The following PPARGC1A variants were observed in gnomAD, a reference collection of about 807,000 sequenced individuals.
PPARGC1A encodes the protein PPARG coactivator 1 alpha.
A neutral mutation model predicts 88.7 loss-of-function variants in PPARGC1A; 25 were observed. That is an observed-to-expected ratio of 0.28 (90% confidence interval 0.21 to 0.39). PPARGC1A has a LOEUF of 0.39. Ranked by LOEUF, PPARGC1A falls within the 10% of genes least tolerant of loss-of-function variation. The pLI, the probability that PPARGC1A is intolerant of heterozygous loss-of-function variation, is 1.00. For missense variants in PPARGC1A, 880 were observed against 968.7 expected (o/e 0.91, Z 1.22); for synonymous variants, 363 against 355.6 (o/e 1.02, Z -0.24).
the PPARGC1A span, among the ~76,000 whole-genome samples, chr4:24,194,104 G>C: frequency 6.7e-6 from 1 of 148,710 alleles, no homozygotes; most frequent in Non-Finnish European, 1.5e-5. Flanking sequence ...ACTCCAGCCT[G>C]GGCGACAGGA....
the PPARGC1A span, among the ~76,000 whole-genome samples, chr4:24,437,878 T>G: frequency 6.6e-6 from 1 of 152,056 alleles, no homozygotes; most frequent in African/African-American, 2.4e-5. Context: ...GGTTTCACCA[T>G]GTTGGCCAGG....
chr4:23,947,017 C>A, the PPARGC1A span, among the ~76,000 whole-genome samples: 4 of 152,010 alleles, frequency 2.6e-5, no homozygotes, highest in Non-Finnish European at 5.9e-5. Flanking sequence ...TACTAATCAG[C>A]CCCTGGCTAT....
chr4:24,044,638 A>T, the PPARGC1A span, among the ~76,000 whole-genome samples: 1 of 152,196 alleles, frequency 6.6e-6, no homozygotes, highest in Non-Finnish European at 1.5e-5. Flanking sequence ...TATTTCAGAC[A>T]TCATATACAT....
the PPARGC1A span, among the ~76,000 whole-genome samples, chr4:23,949,764 C>A: frequency 6.6e-6 from 1 of 152,082 alleles, no homozygotes; most frequent in Admixed American, 6.6e-5. Flanking sequence ...CACCCCTTCC[C>A]CCACAATCTA....
chr4:23,913,287 G>T, the PPARGC1A span, among the ~76,000 whole-genome samples: 10 of 141,816 alleles, frequency 7.1e-5, no homozygotes, highest in African/African-American at 1.3e-4. Flanking sequence ...GAGAGAGAGA[G>T]AGAGAGAGAG....
At chr4:23,898,531 C>T (rs1038898549) in intron 1 of PPARGC1A, among the ~76,000 whole-genome samples, 2 of 152,174 alleles carry the variant, frequency 1.3e-5, no homozygotes, top group East Asian at 1.9e-4. Context: ...CCTTGATAAA[C>T]CCTCAGCTAT....
At chr4:24,345,328 G>A in the PPARGC1A span, among the ~76,000 whole-genome samples, 23 of 151,616 alleles carry the variant, frequency 1.5e-4, no homozygotes, top group African/African-American at 5.6e-4. Context: ...GGATTGTGTT[G>A]AATTTGTAGA....
At position 23,801,758 on chromosome 4, in the gene PPARGC1A, T is replaced by C; in HGVS notation, c.2265A>G (p.Gln755=). 1 of 1,613,950 alleles carries C rather than the reference T, an allele frequency of 6.2e-7. No individual in the cohort carries two copies. Among genetic ancestry groups the C allele is most frequent in the Middle Eastern group, 1.7e-4 (1 of 6,060 alleles). ...DFELYFCGRK[Q]FFKSNYADLD... is the part of the protein sequence containing the mutation. ...GGTCTGCATAGTTAGACTTGAAAAA[T>C]TGCTTGCGTCCACAAAAGTACAGCT... Residue 755 remains glutamine (Q), a synonymous_variant, in exon 12 of 13, where the codon CAA becomes CAG. Coordinates refer to ENST00000264867, the MANE Select transcript of PPARGC1A (RefSeq NM_013261.5).
the PPARGC1A span, among the ~76,000 whole-genome samples, chr4:24,124,860 A>T: frequency 2.0e-5 from 3 of 152,224 alleles, no homozygotes; most frequent in Non-Finnish European, 4.4e-5. Flanking sequence ...GTATTCAGAC[A>T]TAAATAAGCT....
chr4:24,098,128 G>T, the PPARGC1A span, among the ~76,000 whole-genome samples: 1 of 152,088 alleles, frequency 6.6e-6, no homozygotes, highest in South Asian at 2.1e-4. Flanking sequence ...GTTATTGGAG[G>T]GCCAGGAATC....
the PPARGC1A span, among the ~76,000 whole-genome samples, chr4:24,208,682 A>AAAAAAAAAATAT: frequency 1.5e-5 from 2 of 135,000 alleles, no homozygotes; most frequent in African/African-American, 5.3e-5. Flanking sequence ...TCAGAAAAAA[A>AAAAAAAAAATAT]ATATATATAT....
the PPARGC1A span, among the ~76,000 whole-genome samples, chr4:24,124,255 C>A: frequency 6.6e-6 from 1 of 152,138 alleles, no homozygotes; most frequent in East Asian, 1.9e-4. Flanking sequence ...AATACTGAGG[C>A]AAATACACTA....
the PPARGC1A span, among the ~76,000 whole-genome samples, chr4:24,182,207 T>C: frequency 5.1e-3 from 776 of 152,312 alleles, 10 homozygotes; most frequent in African/African-American, 0.018. Context: ...CCATGTGTTC[T>C]CATTGTTCAA....
chr4:24,162,614 G>C, the PPARGC1A span, among the ~76,000 whole-genome samples: 2 of 123,874 alleles, frequency 1.6e-5, no homozygotes, highest in Admixed American at 1.8e-4. Flanking sequence ...TTTTTGAGAT[G>C]GAATTTCATT....
At chr4:24,174,779 C>G in the PPARGC1A span, among the ~76,000 whole-genome samples, 1 of 152,166 alleles carries the variant, frequency 6.6e-6, no homozygotes, top group Admixed American at 6.5e-5. Context: ...AACTCCACAG[C>G]CGATGATCCA....
At chr4:24,188,905 A>G in the PPARGC1A span, among the ~76,000 whole-genome samples, 1 of 152,156 alleles carries the variant, frequency 6.6e-6, no homozygotes, top group Non-Finnish European at 1.5e-5. Context: ...AGTGTCCATC[A>G]ACAGACGAAT....
At chr4:24,174,840 G>A in the PPARGC1A span, among the ~76,000 whole-genome samples, 1 of 152,210 alleles carries the variant, frequency 6.6e-6, no homozygotes, top group Non-Finnish European at 1.5e-5. Flanking sequence ...ATTTGAACAT[G>A]TCTTTCACAG....
chr4:24,141,433 A>G, the PPARGC1A span, among the ~76,000 whole-genome samples: 9 of 152,258 alleles, frequency 5.9e-5, no homozygotes, highest in Non-Finnish European at 1.0e-4. Flanking sequence ...CTTATAGAGT[A>G]TAATACCAGA....
chr4:24,366,572 G>T, the PPARGC1A span, among the ~76,000 whole-genome samples: 1 of 152,020 alleles, frequency 6.6e-6, no homozygotes, highest in Admixed American at 6.6e-5. Flanking sequence ...AGAGAATTGG[G>T]TGACACAAAC....
Sources: gnomAD v4.1 joint callset for allele counts (sites outside exome capture counted in the v4.1 genomes callset) on GRCh38, gnomAD v4.1.1 for gene constraint, MANE v1.5 for transcripts, NCBI Gene and HGNC (gene_info 2026-07-23, HGNC 2026-07-21) for gene names.